The following SLC11A2 variants were observed in gnomAD, a reference collection of about 807,000 sequenced individuals.
The protein encoded by SLC11A2 is natural resistance-associated macrophage protein 2.
A neutral mutation model predicts 68.0 loss-of-function variants in SLC11A2; 38 were observed. The observed-to-expected ratio is 0.56, with a 90% CI of 0.43 to 0.73. The LOEUF is 0.73. Ranked by LOEUF, SLC11A2 falls within the 30% of genes least tolerant of loss-of-function variation. SLC11A2 has a pLI of 0.00. For missense variants in SLC11A2, 517 were observed against 690.5 expected (o/e 0.75, Z 2.82); for synonymous variants, 242 against 250.6 (o/e 0.97, Z 0.32).
At chr12:50,981,007 AATG>A (rs1939991423), downstream of SLC11A2, 1 of 152,226 alleles carries the variant, frequency 6.6e-6, no homozygotes, top group African/African-American at 2.4e-5. Context: ...GCTCTTTGGC[AATG>A]CCTTCATATC....
intron 1 of SLC11A2, among the ~76,000 whole-genome samples, chr12:51,010,996 T>C (rs79774720): frequency 2.0e-5 from 3 of 152,196 alleles, no homozygotes; most frequent in Non-Finnish European, 2.9e-5. Flanking sequence ...CAAAACCAAA[T>C]TGAAGTGTTA....
intron 3 of SLC11A2, 172 bp downstream of exon 3, chr12:51,008,302 GGT>G (rs532914132): frequency 0.036 from 17,131 of 482,332 alleles, 20 homozygotes; most frequent in East Asian, 0.052. Context: ...ATATAGATGG[GGT>G]GTGTGTGTGT....
intron 4 of SLC11A2, 152 bp downstream of exon 4, chr12:51,005,159 G>A: frequency 2.2e-6 from 2 of 917,522 alleles, no homozygotes; most frequent in Non-Finnish European, 3.4e-6. Flanking sequence ...ATAAAAATAA[G>A]ACCAAATGGA....
intron 2 of SLC11A2, 74 bp from the exon 3 acceptor site, chr12:51,008,698 GA>G (rs1379686892): frequency 5.8e-6 from 7 of 1,196,838 alleles, no homozygotes; most frequent in African/African-American, 1.5e-5. Flanking sequence ...TTAGTATACT[GA>G]AATTAAATAG....
chr12:51,012,418 C>T (rs1441859206), intron 1 of SLC11A2, among the ~76,000 whole-genome samples: 1 of 152,188 alleles, frequency 6.6e-6, no homozygotes, highest in Non-Finnish European at 1.5e-5. Flanking sequence ...GGAAGGACAA[C>T]ATAGTATTCA....
chr12:50,959,382 A>G, the SLC11A2 span, among the ~76,000 whole-genome samples: 1 of 152,110 alleles, frequency 6.6e-6, no homozygotes, highest in Non-Finnish European at 1.5e-5. Flanking sequence ...GGCCTCCCAA[A>G]GTGCTGGGAT....
intron 3 of SLC11A2, chr12:51,005,653 C>G: frequency 7.3e-7 from 1 of 1,377,668 alleles, no homozygotes; most frequent in South Asian, 1.2e-5. Context: ...CTTCCCTTAC[C>G]TGCAGGTTCC....
chr12:50,960,902 A>G, the SLC11A2 span: 1 of 1,384,212 alleles, frequency 7.2e-7, no homozygotes, highest in Non-Finnish European at 9.6e-7. Context: ...CTGTTTTCAA[A>G]CTCCTGGTCT....
chr12:50,953,584 T>A, the SLC11A2 span, among the ~76,000 whole-genome samples: 4 of 152,212 alleles, frequency 2.6e-5, no homozygotes, highest in Non-Finnish European at 5.9e-5. Context: ...TGGAAGTATT[T>A]TTGCCTATGT....
intron 2 of SLC11A2, among the ~76,000 whole-genome samples, chr12:51,009,782 G>C (rs1943052578): frequency 6.6e-6 from 1 of 152,136 alleles, no homozygotes; most frequent in East Asian, 1.9e-4. Flanking sequence ...CCTGGGTCTG[G>C]GAATAACATT....
chr12:50,997,679 CAAAAAAAAAAAA>C (rs35477132), intron 8 of SLC11A2, among the ~76,000 whole-genome samples: 1 of 44,974 alleles, frequency 2.2e-5, no homozygotes, highest in Non-Finnish European at 3.4e-5. Context: ...GACTCTGTCT[CAAAAAAAAAAAA>C]AAAAAAAAAA....
At chr12:51,011,330 G>A (rs545287696) in intron 1 of SLC11A2, among the ~76,000 whole-genome samples, 72 of 151,838 alleles carry the variant, frequency 4.7e-4, no homozygotes, top group African/African-American at 1.6e-3. Flanking sequence ...GGGTTTCACC[G>A]TGTTAGCCAG....
chr12:51,014,980 G>A (rs1041944038), intron 1 of SLC11A2, among the ~76,000 whole-genome samples: 1 of 151,802 alleles, frequency 6.6e-6, no homozygotes, highest in African/African-American at 2.4e-5. Flanking sequence ...GGCCAACATG[G>A]TGAAACCCCA....
chr12:50,973,554 A>T, the SLC11A2 span, among the ~76,000 whole-genome samples: 1 of 152,184 alleles, frequency 6.6e-6, no homozygotes, highest in African/African-American at 2.4e-5. Flanking sequence ...CAGAGCAGAA[A>T]AACTGAAAAT....
rs1941235450 is a variant in SLC11A2, at chr12:50,992,350, A to G, written c.1198-11T>C. ...TAGGTTCAGGAATCCCTGGAAGAAA[A>G]CATAGGAGCAGATGACTGTCTGCAA... On this transcript the variant is annotated splice_polypyrimidine_tract_variant and intron_variant, in intron 12 of 15. Transcript: ENST00000262052. 2 of 1,613,590 alleles carry G rather than the reference A, an allele frequency of 1.2e-6. No individual in the cohort carries two copies. The highest frequency in any genetic ancestry group is 1.7e-6 in the Non-Finnish European group (2 of 1,179,844).
At chr12:51,009,750 A>G (rs1359689049) in intron 2 of SLC11A2, among the ~76,000 whole-genome samples, 2 of 152,228 alleles carry the variant, frequency 1.3e-5, no homozygotes, top group Non-Finnish European at 2.9e-5. Context: ...ATGAGTAGCC[A>G]AAACACTCCA....
At chr12:50,955,651 A>G in the SLC11A2 span, among the ~76,000 whole-genome samples, 1 of 152,254 alleles carries the variant, frequency 6.6e-6, no homozygotes. Flanking sequence ...ACATATCAAG[A>G]AAGAATCAAA....
intron 4 of SLC11A2, 136 bp downstream of exon 4, chr12:51,005,175 C>T (rs1413045425): frequency 9.9e-7 from 1 of 1,015,136 alleles, no homozygotes; most frequent in Non-Finnish European, 1.5e-6. Context: ...ATGGAAAGTA[C>T]TTTACACATA....
chr12:51,015,892 C>A (rs1030931456), intron 1 of SLC11A2, among the ~76,000 whole-genome samples: 5 of 152,202 alleles, frequency 3.3e-5, no homozygotes, highest in Non-Finnish European at 7.3e-5. Context: ...TTATCCCATT[C>A]TCCTGCCTCA....
Sources: gnomAD v4.1 joint callset for allele counts (sites outside exome capture counted in the v4.1 genomes callset) on GRCh38, gnomAD v4.1.1 for gene constraint, MANE v1.5 for transcripts, NCBI Gene and HGNC (gene_info 2026-07-23, HGNC 2026-07-21) for gene names.